The following B4GALT6 variants were observed in gnomAD, a reference collection of about 807,000 sequenced individuals.
B4GALT6 encodes the protein beta-1,4-galactosyltransferase 6.
B4GALT6 carries 14 observed loss-of-function variants against 46.3 expected under a neutral mutation model. The observed-to-expected ratio is 0.30, with a 90% CI of 0.20 to 0.47. The LOEUF is 0.47. B4GALT6 is among the 20% of genes least tolerant of loss of function. The pLI is 0.99. For missense variants in B4GALT6, 386 were observed against 480.1 expected (o/e 0.80, Z 1.83); for synonymous variants, 168 against 162.0 (o/e 1.04, Z -0.28).
In B4GALT6 at chr18:31,625,374, C is replaced by T. The variant is rs1288113206; in HGVS notation, c.*240G>A. The T allele has an allele frequency of 9.9e-6, 4 of 405,944 alleles. No individual in the cohort carries two copies. The highest frequency in any genetic ancestry group is 1.7e-5 in the Non-Finnish European group (4 of 232,024). The allele number at this position is 405,944 out of a possible 1,614,324, so 25.1% of individuals were successfully genotyped here. ...CTTCGGAGGGAGCTCTCTTAACTTC[C>T]GATCTTAAGTAGTGGCTTCCCGTTT... On this transcript the variant is annotated 3_prime_UTR_variant, in exon 9 of 9. Coordinates refer to ENST00000306851, the MANE Select transcript of B4GALT6 (RefSeq NM_004775.5).
At chr18:31,626,157 A>C in intron 8 of B4GALT6, 126 bp downstream of exon 8, 1 of 554,866 alleles carries the variant, frequency 1.8e-6, no homozygotes, top group Non-Finnish European at 3.1e-6. Flanking sequence ...TTCAGCAAAA[A>C]ATACTTCCCT....
chr18:31,624,746 C>T lies in B4GALT6; in HGVS notation c.*868G>A, dbSNP rs1231813344. The T allele has an allele frequency of 1.3e-5, 2 of 152,244 alleles. No homozygotes were observed. Among genetic ancestry groups the T allele is most frequent in the Non-Finnish European group, 1.5e-5 (1 of 67,960 alleles). 9.4% of individuals were successfully genotyped at this position (152,244 alleles called of 1,614,324 possible). ...AAAAATACACAGTATAAACACACAA[C>T]CTTGGAAACATTTTTTGAGGCACAA... is the stretch of plus-strand genomic sequence containing the variant. On this transcript the variant is annotated 3_prime_UTR_variant, in exon 9 of 9. Transcript: ENST00000306851.
At chr18:31,639,730 T>C (rs1294567243) in intron 4 of B4GALT6, among the ~76,000 whole-genome samples, 1 of 152,078 alleles carries the variant, frequency 6.6e-6, no homozygotes, top group East Asian at 1.9e-4. Context: ...GAAATGAAAA[T>C]AGTTTCTTAG....
At chr18:31,700,435 TTGTGTGTGTGTG>T in the B4GALT6 span, among the ~76,000 whole-genome samples, 10 of 139,464 alleles carry the variant, frequency 7.2e-5, no homozygotes, top group Non-Finnish European at 1.3e-4. Flanking sequence ...AATTGACTAT[TTGTGTGTGTGTG>T]TGTGTGTGTG....
intron 5 of B4GALT6, among the ~76,000 whole-genome samples, chr18:31,632,271 A>G (rs939523596): frequency 1.3e-4 from 20 of 152,326 alleles, no homozygotes; most frequent in Admixed American, 1.2e-3. Context: ...TATTTTTTAC[A>G]GCCTCTTTTT....
At chr18:31,700,678 G>A in the B4GALT6 span, among the ~76,000 whole-genome samples, 5 of 151,888 alleles carry the variant, frequency 3.3e-5, no homozygotes, top group East Asian at 1.9e-4. Context: ...GGATAGTCTC[G>A]ATCTTCTGAT....
chr18:31,718,337 C>G, the B4GALT6 span, among the ~76,000 whole-genome samples: 1 of 152,222 alleles, frequency 6.6e-6, no homozygotes, highest in African/African-American at 2.4e-5. Context: ...CAACAGCCAT[C>G]TGTACTAAAA....
Position 31,623,907 on chromosome 18 carries a change from A to C in B4GALT6, c.*1707T>G, listed in dbSNP as rs2144452222. On this transcript the variant is annotated 3_prime_UTR_variant, in exon 9 of 9. Transcript: ENST00000306851. ...TTTTAGGTAAACAATCCTTGAGGCAAATATTATCCAAACGTTTCTCATATA... is the reference window on the plus strand; with the variant it reads ...TTTTAGGTAAACAATCCTTGAGGCACATATTATCCAAACGTTTCTCATATA... 6.6e-6 allele frequency: 1 copy of C among 152,134 alleles called. No homozygotes were observed. The highest frequency in any genetic ancestry group is 3.4e-3 in the Middle Eastern group (1 of 294). 9.4% of individuals were successfully genotyped at this position (152,134 alleles called of 1,614,324 possible). A position where few individuals can be genotyped will look rare whatever the true frequency, so the allele number is the denominator to read the frequency against.
intron 1 of B4GALT6, among the ~76,000 whole-genome samples, chr18:31,678,855 A>C (rs2074447392): frequency 6.6e-6 from 1 of 152,190 alleles, no homozygotes; most frequent in South Asian, 2.1e-4. Flanking sequence ...TGAGGGTGAG[A>C]GGAAAAGCCA....
At chr18:31,701,069 G>A in the B4GALT6 span, among the ~76,000 whole-genome samples, 1 of 152,204 alleles carries the variant, frequency 6.6e-6, no homozygotes, top group Non-Finnish European at 1.5e-5. Flanking sequence ...TAGAAATTCA[G>A]TATATATTGA....
chr18:31,638,405 T>C, intron 5 of B4GALT6, among the ~76,000 whole-genome samples: 1 of 152,074 alleles, frequency 6.6e-6, no homozygotes, highest in East Asian at 1.9e-4. Flanking sequence ...CGGGTGCCTG[T>C]AGTCCCAGCT....
In B4GALT6 at chr18:31,638,621, A is replaced by G. The variant is rs748911884; in HGVS notation, c.588+23T>C. On this transcript the variant is annotated intron_variant, in intron 5 of 8. Coordinates refer to ENST00000306851, the MANE Select transcript of B4GALT6 (RefSeq NM_004775.5). ...AGTTTAGATTCTAGTATACTTAGTG[A>G]CCACTATGAAAAGTATTCTCACCTG... 9 of 1,512,488 alleles carry G rather than the reference A, an allele frequency of 6.0e-6. No homozygotes were observed. The East Asian group carries it at 1.8e-4, about 30-fold the overall frequency. 93.7% of individuals were successfully genotyped at this position (1,512,488 alleles called of 1,614,324 possible). A position where few individuals can be genotyped will look rare whatever the true frequency, so the allele number is the denominator to read the frequency against.
At chr18:31,718,673 T>G in the B4GALT6 span, among the ~76,000 whole-genome samples, 2 of 152,156 alleles carry the variant, frequency 1.3e-5, no homozygotes, top group African/African-American at 2.4e-5. Context: ...GGGTGTGATA[T>G]TCCACCCCCT....
rs538517867 is a variant in B4GALT6, at chr18:31,637,149, T to G, written c.588+1495A>C. ...CTTTATATTTACACTTTATAGCCTT[T>G]AAACAAAGACTACAAAAAGTAAGTC... is the stretch of plus-strand genomic sequence containing the variant. On this transcript the variant is annotated intron_variant, in intron 5 of 8. Transcript: ENST00000306851. 3.9e-5 allele frequency among the ~76,000 whole-genome samples: 6 copies of G among 152,332 alleles called. No individual in the cohort carries two copies. In the South Asian group the frequency reaches 1.2e-3, roughly 32 times the overall value.
chr18:31,648,066 A>G (rs1474245722), intron 3 of B4GALT6, among the ~76,000 whole-genome samples: 1 of 152,172 alleles, frequency 6.6e-6, no homozygotes, highest in Non-Finnish European at 1.5e-5. Context: ...GAAGGACACC[A>G]TCAACTGGGC....
chr18:31,631,183 T>TG, intron 5 of B4GALT6, 37 bp from the exon 6 acceptor site: 1 of 1,457,696 alleles, frequency 6.9e-7, no homozygotes, highest in Non-Finnish European at 9.3e-7. Flanking sequence ...AATAGAAATG[T>TG]ACTCACACTT....
At chr18:31,684,801 C>T, upstream of B4GALT6, 2 of 1,023,164 alleles carry the variant, frequency 2.0e-6, no homozygotes, top group Non-Finnish European at 2.3e-6. Context: ...GCGCAGGCTG[C>T]GCGCCGCGGC....
At chr18:31,625,797 A>T in intron 8 of B4GALT6, 36 bp from the exon 9 acceptor site, 1 of 1,535,326 alleles carries the variant, frequency 6.5e-7, no homozygotes, top group Non-Finnish European at 8.7e-7. Flanking sequence ...AAAGCAACAA[A>T]ACATGTTCAA....
intron 4 of B4GALT6, among the ~76,000 whole-genome samples, chr18:31,644,338 C>G (rs146696728): frequency 9.9e-5 from 15 of 152,096 alleles, no homozygotes; most frequent in African/African-American, 3.1e-4. Context: ...AATACAGATA[C>G]AAATAATACA....
Sources: allele counts gnomAD v4.1 joint callset (sites outside exome capture counted in the v4.1 genomes callset), GRCh38; gene constraint gnomAD v4.1.1; transcripts MANE v1.5; gene names NCBI Gene and HGNC (gene_info 2026-07-23, HGNC 2026-07-21).